The following XRN2 variants were observed in gnomAD, a reference collection of about 807,000 sequenced individuals.
The protein encoded by XRN2 is 5'-3' exoribonuclease 2, also known as DHM1-like protein.
Under a neutral mutation model 138.5 loss-of-function variants are expected in XRN2, and 44 were observed. The observed-to-expected ratio is 0.32, with a 90% CI of 0.25 to 0.41. The LOEUF is 0.41. XRN2 is among the 10% of genes least tolerant of loss of function. The pLI is 1.00. For synonymous variants in XRN2, 354 were observed against 369.4 expected (o/e 0.96, Z 0.48); for missense variants, 937 against 1,169.3 (o/e 0.80, Z 2.90).
At chr20:21,311,543 T>C (rs1379247986) in intron 1 of XRN2, among the ~76,000 whole-genome samples, 2 of 152,214 alleles carry the variant, frequency 1.3e-5, no homozygotes, top group South Asian at 2.1e-4. Flanking sequence ...TACAAGTATC[T>C]TTTTTAGTCC....
intron 15 of XRN2, among the ~76,000 whole-genome samples, chr20:21,343,652 A>G (rs776033805): frequency 1.3e-4 from 20 of 151,218 alleles, no homozygotes; most frequent in Non-Finnish European, 1.8e-4. Flanking sequence ...TGCATTTTAT[A>G]TATCACATAA....
intron 17 of XRN2, 104 bp downstream of exon 17, chr20:21,346,654 C>A: frequency 7.0e-7 from 1 of 1,428,002 alleles, no homozygotes; most frequent in South Asian, 1.4e-5. Context: ...GAGTCTTGCC[C>A]TGTCACCTGG....
At chr20:21,339,727 G>A (rs1207119309) in intron 14 of XRN2, among the ~76,000 whole-genome samples, 2 of 152,150 alleles carry the variant, frequency 1.3e-5, no homozygotes, top group East Asian at 3.9e-4. Context: ...CATAGTACAG[G>A]TTGAGCAATC....
chr20:21,308,360 G>GA (rs2037832056), intron 1 of XRN2, among the ~76,000 whole-genome samples: 1 of 152,120 alleles, frequency 6.6e-6, no homozygotes, highest in Non-Finnish European at 1.5e-5. Context: ...TTGTTTGGGG[G>GA]AAAAACATTA....
Position 21,326,305 on chromosome 20 carries a change from T to A in XRN2, c.102T>A (p.Ile34=). Residue 34 remains isoleucine (I), a synonymous_variant, in exon 2 of 30, where the codon ATT becomes ATA. Coordinates refer to ENST00000377191, the MANE Select transcript of XRN2 (RefSeq NM_012255.5). ...CAAAAGAATGCAATGGTGTAAAGAT[T>A]CCAGTTGATGCCAGTAAACCTAATC... ...EKPKECNGVK[I]PVDASKPNPN... is the part of the protein sequence containing the mutation. The A allele has an allele frequency of 6.2e-7, 1 of 1,613,784 alleles. No individual in the cohort carries two copies. The highest frequency in any genetic ancestry group is 8.5e-7 in the Non-Finnish European group (1 of 1,179,814).
At chr20:21,385,413 G>A (rs1049179557) in intron 28 of XRN2, among the ~76,000 whole-genome samples, 1 of 152,138 alleles carries the variant, frequency 6.6e-6, no homozygotes, top group African/African-American at 2.4e-5. Flanking sequence ...AACAGATGGA[G>A]GCATTCTTGC....
At chr20:21,330,057 C>T (rs2038184749) in intron 4 of XRN2, among the ~76,000 whole-genome samples, 1 of 152,096 alleles carries the variant, frequency 6.6e-6, no homozygotes, top group Non-Finnish European at 1.5e-5. Flanking sequence ...CCGAGGACGG[C>T]AGATGACTGG....
chr20:21,353,452 C>T (rs1256292477), intron 20 of XRN2, among the ~76,000 whole-genome samples: 1 of 150,368 alleles, frequency 6.7e-6, no homozygotes, highest in East Asian at 1.9e-4. Context: ...CTCTTTTAGG[C>T]CATTCAAAAT....
In XRN2 at chr20:21,340,730, C is replaced by T. The variant is rs1339350982; in HGVS notation, c.1288C>T (p.Pro430Ser). ...EKRKRMKRDQPAFTPSGILTP... is the reference protein window; with the variant it reads ...EKRKRMKRDQSAFTPSGILTP... ...ATTCCATTTATGTTAGAGAGATCAA[C>T]CAGCTTTCACTCCTAGTGGAATATT... Residue 430 changes from proline to serine, a missense_variant, in exon 15 of 30, where the codon CCA becomes TCA. Physicochemically the swap from Pro to Ser is moderately conservative, Grantham distance 74. Coordinates refer to ENST00000377191, the MANE Select transcript of XRN2 (RefSeq NM_012255.5). 1 of 1,613,416 alleles carries T rather than the reference C, an allele frequency of 6.2e-7. No homozygotes were observed. The highest frequency in any genetic ancestry group is 8.5e-7 in the Non-Finnish European group (1 of 1,179,698).
chr20:21,373,297 C>T (rs1426625921), intron 27 of XRN2, among the ~76,000 whole-genome samples: 8 of 152,312 alleles, frequency 5.3e-5, no homozygotes, highest in South Asian at 4.1e-4. Flanking sequence ...CATGAGCCAC[C>T]GCGCCCAGCA....
intron 1 of XRN2, among the ~76,000 whole-genome samples, chr20:21,325,590 G>C (rs1480035552): frequency 3.3e-5 from 5 of 152,164 alleles, no homozygotes; most frequent in African/African-American, 1.2e-4. Flanking sequence ...AAGGTGTTCT[G>C]AAAGAAGCAT....
rs763709147 is a variant in XRN2 at position 21,344,118 on chromosome 20, T to G, written c.1439T>G (p.Phe480Cys). The change falls in exon 16 of 30, where the codon TTC becomes TGC. Residue 480 changes from phenylalanine to cysteine, a missense_variant. Around this residue, in one of 6 missense-constraint regions of XRN2, gnomAD observed 471 missense variants for 581.2 expected, o/e 0.81. Transcript: ENST00000377191. Reference sequence around the variant, plus strand: ...CCTTCGATATCTCCTAATACGAGTTTCACATCTGATGGCTCCCCGTCTCCA... The same window carrying G: ...CCTTCGATATCTCCTAATACGAGTTGCACATCTGATGGCTCCCCGTCTCCA... The part of the protein sequence containing the change: ...SSPSISPNTS[F>C]TSDGSPSPLG... 1 of 1,613,192 alleles carries G rather than the reference T, an allele frequency of 6.2e-7. No homozygotes were observed. The highest frequency in any genetic ancestry group is 8.5e-7 in the Non-Finnish European group (1 of 1,179,268).
At chr20:21,349,264 T>C (rs2038477004) in intron 19 of XRN2, 125 bp from the exon 20 acceptor site, 2 of 702,740 alleles carry the variant, frequency 2.8e-6, no homozygotes, top group Non-Finnish European at 2.5e-6. Context: ...CTCTTAACAT[T>C]TTTTAAAAGG....
At chr20:21,317,115 C>G (rs1180163028) in intron 1 of XRN2, among the ~76,000 whole-genome samples, 1 of 152,086 alleles carries the variant, frequency 6.6e-6, no homozygotes, top group African/African-American at 2.4e-5. Context: ...ATTGCCCTGG[C>G]TGGAACCTCC....
At chr20:21,325,331 CA>C (rs901462075) in intron 1 of XRN2, among the ~76,000 whole-genome samples, 6 of 152,204 alleles carry the variant, frequency 3.9e-5, no homozygotes, top group African/African-American at 1.4e-4. Context: ...TTTACAAAAA[CA>C]TAATTGAGTA....
chr20:21,310,346 G>T (rs1173578814), intron 1 of XRN2, among the ~76,000 whole-genome samples: 1 of 152,114 alleles, frequency 6.6e-6, no homozygotes, highest in Non-Finnish European at 1.5e-5. Flanking sequence ...TCAGAATATG[G>T]TCTCTATAAA....
In XRN2 at chr20:21,366,184, A is replaced by G. The variant is rs1365422346; in HGVS notation, c.2456+480A>G. On this transcript the variant is annotated intron_variant, in intron 26 of 29. Transcript: ENST00000377191. The stretch of plus-strand genomic sequence containing the variant: ...TAGTTTATATAATATATATAAATAT[A>G]TATTATATTTATAGTTTATATATAT... 7.8e-5 allele frequency among the ~76,000 whole-genome samples: 10 copies of G among 127,956 alleles called. 1 individual carries two copies. Among genetic ancestry groups the G allele is most frequent in the Admixed American group, 1.9e-4 (2 of 10,376 alleles). 83.9% of individuals were successfully genotyped at this position (127,956 alleles called of 152,430 possible). A position where few individuals can be genotyped will look rare whatever the true frequency, so the allele number is the denominator to read the frequency against.
intron 16 of XRN2, 25 bp downstream of exon 16, chr20:21,344,233 T>C (rs776354101): frequency 6.4e-7 from 1 of 1,563,828 alleles, no homozygotes; most frequent in Non-Finnish European, 8.8e-7. Context: ...TGGTAGCACT[T>C]TGTTAGCAAA....
At chr20:21,336,096 C>A (rs927423074) in intron 13 of XRN2, among the ~76,000 whole-genome samples, 19 of 152,142 alleles carry the variant, frequency 1.2e-4, no homozygotes, top group African/African-American at 4.3e-4. Context: ...TCTGTTTGTG[C>A]GTGACTACCA....
Sources: allele counts gnomAD v4.1 joint callset (sites outside exome capture counted in the v4.1 genomes callset), GRCh38; gene constraint gnomAD v4.1.1; regional missense constraint gnomAD v4.1.1; transcripts MANE v1.5; gene names NCBI Gene and HGNC (gene_info 2026-07-23, HGNC 2026-07-21).